The following BOP1 variants were observed in gnomAD, a reference collection of about 807,000 sequenced individuals.
BOP1 encodes BOP1 ribosomal biogenesis factor.
A neutral mutation model predicts 82.9 loss-of-function variants in BOP1; 54 were observed. That is an observed-to-expected ratio of 0.65 (90% CI 0.52 to 0.82). The LOEUF (loss-of-function observed/expected upper bound fraction) is 0.82. BOP1 is among the 40% of genes least tolerant of loss of function. The probability of loss-of-function intolerance (pLI) is 0.00; values close to 1 mark genes in which losing one functional copy is unlikely to be tolerated. For missense variants in BOP1, 1,170 were observed against 1,072.0 expected (o/e 1.09, Z -1.28); for synonymous variants, 566 against 451.1 (o/e 1.25, Z -3.23).
intron 2 of BOP1, among the ~76,000 whole-genome samples, chr8:144,282,499 G>A (rs1239586692): frequency 1.1e-4 from 17 of 152,122 alleles, no homozygotes; most frequent in Non-Finnish European, 2.4e-4. Flanking sequence ...GGTGGACCCA[G>A]AAAGAGGGGT....
At chr8:144,264,860 C>A (rs1351425869) in intron 4 of BOP1, 29 bp from the exon 5 acceptor site, 1 of 1,608,340 alleles carries the variant, frequency 6.2e-7, no homozygotes, top group Admixed American at 1.7e-5. Flanking sequence ...ACCCCGCCAG[C>A]CCTGCCCCAC....
chr8:144,278,637 C>A (rs1485850266), intron 2 of BOP1, among the ~76,000 whole-genome samples: 2 of 152,234 alleles, frequency 1.3e-5, no homozygotes, highest in Non-Finnish European at 2.9e-5. Flanking sequence ...GCAGTCCTAA[C>A]TTGCCCAGAG....
chr8:144,285,105 C>A (rs577011373), intron 2 of BOP1, among the ~76,000 whole-genome samples: 1 of 152,212 alleles, frequency 6.6e-6, no homozygotes, highest in African/African-American at 2.4e-5. Flanking sequence ...TCAGCCACAT[C>A]GCTGCCAGGA....
chr8:144,289,973 A>G (rs1214580889), intron 1 of BOP1, among the ~76,000 whole-genome samples: 1 of 152,226 alleles, frequency 6.6e-6, no homozygotes, highest in Non-Finnish European at 1.5e-5. Context: ...GCTGCCTCTG[A>G]GCAGAGCCCT....
intron 3 of BOP1, among the ~76,000 whole-genome samples, chr8:144,270,546 G>T (rs953523742): frequency 1.3e-5 from 2 of 152,128 alleles, no homozygotes; most frequent in Non-Finnish European, 2.9e-5. Context: ...AGCTGCACCG[G>T]TAGCAGCGGC....
intron 2 of BOP1, among the ~76,000 whole-genome samples, chr8:144,283,414 A>ATGGATGATGCCGCCG (rs1814772954): frequency 6.6e-6 from 1 of 152,160 alleles, no homozygotes; most frequent in African/African-American, 2.4e-5. Flanking sequence ...TGATGCCGCC[A>ATGGATGATGCCGCCG]CAGGGAAGAG....
chr8:144,279,307 T>C (rs919729694), intron 2 of BOP1, among the ~76,000 whole-genome samples: 2 of 145,560 alleles, frequency 1.4e-5, no homozygotes, highest in Non-Finnish European at 3.0e-5. Flanking sequence ...TATACCACCA[T>C]GGGCCCTGAC....
At position 144,291,421 on chromosome 8, in the gene BOP1, G is replaced by A. The variant is rs1173983438; in HGVS notation, c.-51C>T. 4.2e-5 allele frequency: 45 copies of A among 1,078,840 alleles called. No individual in the cohort carries two copies. Among genetic ancestry groups the A allele is most frequent in the Non-Finnish European group, 2.3e-6 (2 of 883,896 alleles). 66.8% of individuals were successfully genotyped at this position (1,078,840 alleles called of 1,614,324 possible). On this transcript the variant is annotated 5_prime_UTR_variant, in exon 1 of 16. Transcript: ENST00000569669. The surrounding 1 kb of genome is among the most constrained non-coding windows in gnomAD (Gnocchi z 4.1). ...CGCACAGCCGCTTCCGACAGCGACC[G>A]GGCCGCGTGCGCAGGAGGACGCGCC...
chr8:144,266,682 G>A (rs1337161106), intron 3 of BOP1: 14 of 1,253,616 alleles, frequency 1.1e-5, no homozygotes, highest in South Asian at 1.5e-5. Context: ...GCCCGCTGTC[G>A]GAGGACGAGG....
In BOP1 at chr8:144,263,543, C is replaced by A; in HGVS notation, c.1359G>T (p.Val453=). 1 of 1,600,770 alleles carries A rather than the reference C, an allele frequency of 6.2e-7. No individual in the cohort carries two copies. Among genetic ancestry groups the A allele is most frequent in the South Asian group, 1.1e-5 (1 of 91,040 alleles). Reference sequence around the variant, plus strand: ...AGGCCACACTCTTCACCACGCCCCCCACGGGAACAGTCCTCACACAGCGGG... The same window carrying A: ...AGGCCACACTCTTCACCACGCCCCCAACGGGAACAGTCCTCACACAGCGGG... The part of the protein sequence containing the change: ...ATARCVRTVP[V]GGVVKSVAWN... Residue 453 remains valine, a synonymous_variant, in exon 11 of 16, where the codon GTG becomes GTT. Coordinates refer to ENST00000569669, the MANE Select transcript of BOP1 (RefSeq NM_015201.5).
At chr8:144,277,623 C>G (rs1439139251) in intron 2 of BOP1, among the ~76,000 whole-genome samples, 1 of 152,386 alleles carries the variant, frequency 6.6e-6, no homozygotes, top group African/African-American at 2.4e-5. Flanking sequence ...GCCCCGTGGC[C>G]CCTGTGCTGG....
chr8:144,289,052 G>A lies in BOP1; in HGVS notation c.309+43C>T, dbSNP rs1289285052. 2.5e-6 allele frequency: 4 copies of A among 1,606,882 alleles called. No homozygotes were observed. In the African/African-American group the frequency reaches 4.0e-5, roughly 16 times the overall value. ...AGTCTCAGAAAGCCCAAGGCCACCTGCACATGGGGGACAGCCCTCGAGGGG... is the reference window on the plus strand; with the variant it reads ...AGTCTCAGAAAGCCCAAGGCCACCTACACATGGGGGACAGCCCTCGAGGGG... On this transcript the variant is annotated intron_variant, in intron 2 of 15. Coordinates refer to ENST00000569669, the MANE Select transcript of BOP1 (RefSeq NM_015201.5).
At chr8:144,279,000 T>C (rs1845626288) in intron 2 of BOP1, among the ~76,000 whole-genome samples, 2 of 152,184 alleles carry the variant, frequency 1.3e-5, no homozygotes, top group South Asian at 4.1e-4. Context: ...GCAGGGTCGT[T>C]CCCAGGCATG....
At chr8:144,290,456 G>A (rs1440339660) in intron 1 of BOP1, among the ~76,000 whole-genome samples, 1 of 152,170 alleles carries the variant, frequency 6.6e-6, no homozygotes, top group African/African-American at 2.4e-5. Flanking sequence ...CTTAAGGTAC[G>A]ACCTGCATGT....
intron 3 of BOP1, chr8:144,266,623 G>A: frequency 1.6e-6 from 2 of 1,216,954 alleles, no homozygotes; most frequent in Non-Finnish European, 2.1e-6. Context: ...CATGTCCTTC[G>A]CCACGCTGCG....
Position 144,289,155 on chromosome 8 carries a change from G to T in BOP1, c.249C>A (p.Asp83Glu). ...TGTGGCCCTCGTCATCAAGGGCTCCGTCCTCTCCCTCCTCGTCGCCTTCGT... is the reference window on the plus strand; with the variant it reads ...TGTGGCCCTCGTCATCAAGGGCTCCTTCCTCTCCCTCCTCGTCGCCTTCGT... ...DDDEGDEEGE[D>E]GALDDEGHSG... Residue 83 changes from aspartate (D) to glutamate (E), a missense_variant, in exon 2 of 16, where the codon GAC becomes GAA. Transcript: ENST00000569669. The T allele has an allele frequency of 3.1e-6, 5 of 1,614,158 alleles. No individual in the cohort carries two copies. Among genetic ancestry groups the T allele is most frequent in the Non-Finnish European group, 3.4e-6 (4 of 1,180,022 alleles).
chr8:144,281,466 C>A lies in BOP1; in HGVS notation c.310-5162G>T, dbSNP rs62532306. Among the ~76,000 whole-genome samples the A allele has an allele frequency of 4.3e-3, 11 of 2,544 alleles. 1 individual carries two copies. The highest frequency in any genetic ancestry group is 8.3e-3 in the Admixed American group (1 of 120). 1.7% of individuals were successfully genotyped at this position (2,544 alleles called of 152,430 possible). ...TTCTCTCAGTTTAATACCAGGTCTT[C>A]GGCCTTCTCTCACTTTCATACCAGG... On this transcript the variant is annotated intron_variant, in intron 2 of 15. Transcript: ENST00000569669.
chr8:144,266,529 C>T (rs1251772239), intron 3 of BOP1: 5 of 991,628 alleles, frequency 5.0e-6, no homozygotes, highest in Non-Finnish European at 6.0e-6. Context: ...CGCCTCGCCC[C>T]GGCCGGCCCG....
rs1442937519 is a variant in BOP1, at chr8:144,284,149, T to C, written c.309+4946A>G. On this transcript the variant is annotated intron_variant, in intron 2 of 15. Transcript: ENST00000569669. ...AAAACAAAACAAAACAAAACAAAAC[T>C]AGCCAGGCATGGTGGCGGGGACCCT... Among the ~76,000 whole-genome samples, 3 of 150,432 alleles carry C rather than the reference T, an allele frequency of 2.0e-5. No individual in the cohort carries two copies. The East Asian group carries it at 5.8e-4, about 29-fold the overall frequency.
Sources: gnomAD v4.1 joint callset for allele counts (sites outside exome capture counted in the v4.1 genomes callset) on GRCh38, gnomAD v4.1.1 for gene constraint, Gnocchi (gnomAD v3.1) non-coding constraint, MANE v1.5 for transcripts, NCBI Gene and HGNC (gene_info 2026-07-23, HGNC 2026-07-21) for gene names.